FBXW7: variants seen among roughly 807,000 people sequenced by gnomAD.
FBXW7 encodes F-box and WD repeat domain containing 7, also known as F-box/WD repeat-containing protein 7.
A neutral mutation model predicts 86.3 loss-of-function variants in FBXW7; 11 were observed. The observed-to-expected ratio is 0.13, with a 90% CI of 0.08 to 0.21. The LOEUF (loss-of-function observed/expected upper bound fraction) is 0.21. Ranked by LOEUF, FBXW7 falls within the 10% of genes least tolerant of loss-of-function variation. FBXW7 has a pLI of 1.00. For synonymous variants in FBXW7, 313 were observed against 297.9 expected, an observed-to-expected ratio of 1.05 and a Z score of -0.52; for missense variants, 488 against 847.4, an observed-to-expected ratio of 0.58 and a Z score of 5.27.
chr4:152,322,903 T>C lies in FBXW7; in HGVS notation c.2102A>G (p.Asp701Gly). The change falls in exon 14 of 14, where the codon GAC becomes GGC. Residue 701 changes from aspartate (D) to glycine (G), a missense_variant. Physicochemically the swap from Asp to Gly is moderately conservative, Grantham distance 94. This residue lies in a region of FBXW7 where 142 missense variants were observed against 406.6 expected (regional missense o/e 0.35). Coordinates refer to ENST00000281708, the MANE Select transcript of FBXW7 (RefSeq NM_001349798.2). ...TCTTCACTTCATGTCCACATCAAAG[T>C]CCAGCACCAGCAGCTTGGTTTCTTC... ...GTEETKLLVL[D>G]FDVDMK 6.2e-7 allele frequency: 1 copy of C among 1,613,714 alleles called. No homozygotes were observed. Among genetic ancestry groups the C allele is most frequent in the East Asian group, 2.2e-5 (1 of 44,866 alleles).
intron 2 of FBXW7, among the ~76,000 whole-genome samples, chr4:152,447,969 A>G (rs1002060695): frequency 1.3e-5 from 2 of 152,236 alleles, no homozygotes; most frequent in Non-Finnish European, 2.9e-5. Context: ...AGGAATATGG[A>G]GCAGAAAGAC....
At chr4:152,452,259 CT>C (rs1200136185) in intron 2 of FBXW7, among the ~76,000 whole-genome samples, 2 of 152,078 alleles carry the variant, frequency 1.3e-5, no homozygotes, top group African/African-American at 4.8e-5. Context: ...TAAGTCAAAG[CT>C]TTTTGGGGTC....
At chr4:152,375,241 C>T (rs1436739618) in intron 4 of FBXW7, among the ~76,000 whole-genome samples, 1 of 151,962 alleles carries the variant, frequency 6.6e-6, no homozygotes, top group Non-Finnish European at 1.5e-5. Context: ...TTATTAATAG[C>T]TATATACTTT....
chr4:152,459,241 A>G (rs775664632), intron 2 of FBXW7, among the ~76,000 whole-genome samples: 3 of 152,222 alleles, frequency 2.0e-5, no homozygotes, highest in African/African-American at 7.2e-5. Context: ...AACCAGAAGG[A>G]TGACATCATT....
At chr4:152,519,205 G>A (rs1748780557) in intron 2 of FBXW7, among the ~76,000 whole-genome samples, 1 of 152,156 alleles carries the variant, frequency 6.6e-6, no homozygotes, top group South Asian at 2.1e-4. Context: ...GGCTGAGGGA[G>A]GAGAATGGCG....
chr4:152,485,359 T>C (rs958850015), intron 2 of FBXW7, among the ~76,000 whole-genome samples: 2 of 152,140 alleles, frequency 1.3e-5, no homozygotes, highest in African/African-American at 4.8e-5. Context: ...GGCTATACGC[T>C]ATAAATAAAA....
chr4:152,360,188 A>G (rs1383794440), intron 4 of FBXW7, among the ~76,000 whole-genome samples: 1 of 152,194 alleles, frequency 6.6e-6, no homozygotes, highest in Non-Finnish European at 1.5e-5. Flanking sequence ...TCATCATTCC[A>G]TCTTAGGGCA....
chr4:152,373,394 CT>C (rs1001060378), intron 4 of FBXW7, among the ~76,000 whole-genome samples: 1 of 151,962 alleles, frequency 6.6e-6, no homozygotes, highest in African/African-American at 2.4e-5. Flanking sequence ...TATTTTCTGT[CT>C]CCCCAAACTA....
intron 2 of FBXW7, among the ~76,000 whole-genome samples, chr4:152,497,956 G>A (rs1394137147): frequency 6.6e-6 from 1 of 152,084 alleles, no homozygotes; most frequent in Non-Finnish European, 1.5e-5. Flanking sequence ...AAAAACACAG[G>A]TCATCTTTTG....
chr4:152,412,582 C>T (rs1383068859), intron 2 of FBXW7, 53 bp from the exon 3 acceptor site: 1 of 150,354 alleles, frequency 6.7e-6, no homozygotes, highest in South Asian at 2.1e-4. Flanking sequence ...AGTTTATCCA[C>T]GAAAGCAAAA....
At chr4:152,525,835 T>C (rs1028341319) in intron 2 of FBXW7, among the ~76,000 whole-genome samples, 1 of 152,226 alleles carries the variant, frequency 6.6e-6, no homozygotes, top group African/African-American at 2.4e-5. Context: ...ATGGGATTGC[T>C]GGGTGGAATG....
chr4:152,426,829 G>T (rs1005079990), intron 2 of FBXW7, among the ~76,000 whole-genome samples: 3 of 152,152 alleles, frequency 2.0e-5, no homozygotes, highest in Non-Finnish European at 4.4e-5. Context: ...AGAAACTGTG[G>T]GAGTGAAATA....
chr4:152,478,673 G>A (rs966703545), intron 2 of FBXW7, among the ~76,000 whole-genome samples: 2 of 151,964 alleles, frequency 1.3e-5, no homozygotes, highest in Non-Finnish European at 2.9e-5. Flanking sequence ...ACCATTTTAC[G>A]TTCCCACCAG....
intron 5 of FBXW7, chr4:152,348,777 T>C: frequency 1.1e-6 from 1 of 872,942 alleles, no homozygotes. Context: ...CAAGAAATAC[T>C]TTATCATGAC....
At chr4:152,363,075 C>T (rs1379696360) in intron 4 of FBXW7, among the ~76,000 whole-genome samples, 2 of 151,886 alleles carry the variant, frequency 1.3e-5, no homozygotes. Flanking sequence ...GTGAGATTCA[C>T]AATATTTGTT....
chr4:152,418,127 CCACACACACACACACACA>C (rs3047865), intron 2 of FBXW7, among the ~76,000 whole-genome samples: 4 of 143,844 alleles, frequency 2.8e-5, no homozygotes, highest in South Asian at 2.2e-4. Flanking sequence ...ACAGCTCTTA[CCACACACACACACACACA>C]CACACACACA....
chr4:152,472,058 AG>A (rs1332418484), intron 2 of FBXW7, among the ~76,000 whole-genome samples: 4 of 152,226 alleles, frequency 2.6e-5, no homozygotes, highest in Non-Finnish European at 5.9e-5. Context: ...CCGATTTTTA[AG>A]ATAGGCTAAA....
rs1177282145 is a variant in FBXW7 at position 152,535,425 on chromosome 4, G to C, written c.-511C>G. 1 of 389,260 alleles carries C rather than the reference G, an allele frequency of 2.6e-6. No individual in the cohort carries two copies. The highest frequency in any genetic ancestry group is 1.4e-4 in the South Asian group (1 of 6,968). 24.1% of individuals were successfully genotyped at this position (389,260 alleles called of 1,614,324 possible). ...GAGGGGAGGGGGAAGGTGAGGAAAGGACGGCGGCGTCGGTCCTGTTCTCTC... is the reference window on the plus strand; with the variant it reads ...GAGGGGAGGGGGAAGGTGAGGAAAGCACGGCGGCGTCGGTCCTGTTCTCTC... On this transcript the variant is annotated 5_prime_UTR_variant, in exon 1 of 14. Transcript: ENST00000281708.
chr4:152,339,602 AG>A (rs1730508250), intron 6 of FBXW7, among the ~76,000 whole-genome samples: 1 of 152,148 alleles, frequency 6.6e-6, no homozygotes, highest in African/African-American at 2.4e-5. Context: ...CACTAATACA[AG>A]GACATGCTCA....
Sources: allele counts gnomAD v4.1 joint callset (sites outside exome capture counted in the v4.1 genomes callset), GRCh38; gene constraint gnomAD v4.1.1; regional missense constraint gnomAD v4.1.1; transcripts MANE v1.5; gene names NCBI Gene and HGNC (gene_info 2026-07-23, HGNC 2026-07-21).